Variants in ZFPM2 observed in about 807,000 individuals in gnomAD.
The protein encoded by ZFPM2 is zinc finger protein, FOG family member 2.
ZFPM2 carries 20 observed loss-of-function variants against 98.6 expected under a neutral mutation model. That is an observed-to-expected ratio of 0.20 (90% CI 0.14 to 0.29). The LOEUF (loss-of-function observed/expected upper bound fraction) is 0.29, where lower values mean the gene tolerates loss of function less well. Among genes scored for constraint, ZFPM2 ranks in the 10% least tolerant of loss-of-function variants. The probability of loss-of-function intolerance (pLI) is 1.00; values close to 1 mark genes in which losing one functional copy is unlikely to be tolerated. For missense variants in ZFPM2, 1,310 were observed against 1,388.6 expected (o/e 0.94, Z 0.90); for synonymous variants, 518 against 502.7 (o/e 1.03, Z -0.41).
intron 3 of ZFPM2, among the ~76,000 whole-genome samples, chr8:105,550,440 C>T (rs530706893): frequency 6.6e-6 from 1 of 152,282 alleles, no homozygotes; most frequent in South Asian, 2.1e-4. Context: ...CCTGGTATCA[C>T]TACTAATTTT....
intron 1 of ZFPM2, among the ~76,000 whole-genome samples, chr8:105,342,375 T>A (rs1387061587): frequency 2.6e-5 from 4 of 152,036 alleles, no homozygotes; most frequent in Admixed American, 1.3e-4. Context: ...TTAGCACAGT[T>A]GCTCTAGGAG....
intron 1 of ZFPM2, among the ~76,000 whole-genome samples, chr8:105,389,590 A>G (rs1811069707): frequency 6.6e-6 from 1 of 152,178 alleles, no homozygotes; most frequent in African/African-American, 2.4e-5. Flanking sequence ...ATTGGGAACC[A>G]GAGAGAGAGA....
chr8:105,395,486 C>T (rs1379246096), intron 1 of ZFPM2, among the ~76,000 whole-genome samples: 1 of 152,044 alleles, frequency 6.6e-6, no homozygotes, highest in Non-Finnish European at 1.5e-5. Flanking sequence ...CCTTACACAC[C>T]ACCTGAATCT....
intron 5 of ZFPM2, among the ~76,000 whole-genome samples, chr8:105,671,583 A>C (rs1340351532): frequency 6.6e-6 from 1 of 151,984 alleles, no homozygotes; most frequent in Non-Finnish European, 1.5e-5. Context: ...GCATCTTTCC[A>C]TTTTATGATG....
At chr8:105,490,834 G>T (rs1248761664) in intron 3 of ZFPM2, among the ~76,000 whole-genome samples, 1 of 152,012 alleles carries the variant, frequency 6.6e-6, no homozygotes. Flanking sequence ...TACAGTACTT[G>T]CATGTCTTAA....
chr8:105,380,099 T>C (rs991968002), intron 1 of ZFPM2, among the ~76,000 whole-genome samples: 2 of 152,216 alleles, frequency 1.3e-5, no homozygotes, highest in Non-Finnish European at 2.9e-5. Flanking sequence ...GTTAGCTTTC[T>C]AACAGTGATA....
chr8:105,730,769 CTTTTTTCTTTTT>C (rs1008574476), intron 5 of ZFPM2, among the ~76,000 whole-genome samples: 8 of 118,858 alleles, frequency 6.7e-5, no homozygotes, highest in African/African-American at 2.5e-4. Flanking sequence ...TGAACTTTTT[CTTTTTTCTTTTT>C]TTTTTTTTTT....
chr8:105,618,957 A>G (rs1816474572), intron 4 of ZFPM2, among the ~76,000 whole-genome samples: 1 of 152,192 alleles, frequency 6.6e-6, no homozygotes, highest in African/African-American at 2.4e-5. Context: ...TTTAAGATAT[A>G]CTTCATTTAG....
chr8:105,374,067 A>T (rs115281839), intron 1 of ZFPM2, among the ~76,000 whole-genome samples: 1,859 of 152,262 alleles, frequency 0.012, 26 homozygotes, highest in African/African-American at 0.042. Context: ...TAAGTATGGG[A>T]TGTCAATTCT....
At chr8:105,663,586 GAT>G (rs1394694039) in intron 5 of ZFPM2, among the ~76,000 whole-genome samples, 1 of 152,072 alleles carries the variant, frequency 6.6e-6, no homozygotes, top group Non-Finnish European at 1.5e-5. Context: ...CTATTATGAT[GAT>G]ATTACTTAAC....
At chr8:105,739,261 A>G (rs981696181) in intron 5 of ZFPM2, among the ~76,000 whole-genome samples, 1 of 152,086 alleles carries the variant, frequency 6.6e-6, no homozygotes. Flanking sequence ...AGAATGGTCA[A>G]GTAACAACTT....
At chr8:105,702,859 G>C (rs765294173) in intron 5 of ZFPM2, among the ~76,000 whole-genome samples, 15 of 152,172 alleles carry the variant, frequency 9.9e-5, no homozygotes, top group Non-Finnish European at 1.9e-4. Flanking sequence ...GTTTCTCTCT[G>C]ACATTGTGGA....
At chr8:105,581,521 A>G (rs963643761) in intron 4 of ZFPM2, among the ~76,000 whole-genome samples, 2 of 152,206 alleles carry the variant, frequency 1.3e-5, no homozygotes, top group African/African-American at 4.8e-5. Flanking sequence ...TAGCGAATGC[A>G]TTTAACCTCT....
At chr8:105,603,850 T>C (rs2130787722) in intron 4 of ZFPM2, among the ~76,000 whole-genome samples, 1 of 152,148 alleles carries the variant, frequency 6.6e-6, no homozygotes, top group Admixed American at 6.6e-5. Context: ...CTGTCAGCAC[T>C]TGGCTCCCAT....
rs1814074830 is a variant in ZFPM2 at position 105,802,768 on chromosome 8, C to G, written c.2686C>G (p.Pro896Ala). 1 of 1,613,552 alleles carries G rather than the reference C, an allele frequency of 6.2e-7. No individual in the cohort carries two copies. The highest frequency in any genetic ancestry group is 8.5e-7 in the Non-Finnish European group (1 of 1,179,764). ...DLGQLDGKVF[P>A]NPESERNSPD... ...GGGTCAACTGGACGGCAAAGTGTTT[C>G]CGAATCCAGAAAGCGAACGAAACAG... is the stretch of plus-strand genomic sequence containing the variant. Residue 896 changes from proline (P) to alanine (A), a missense_variant, in exon 8 of 8, where the codon CCG becomes GCG. Physicochemically the swap from Pro to Ala is conservative, Grantham distance 27 (BLOSUM62 -1). Transcript: ENST00000407775.
chr8:105,787,551 C>A (rs1813455322), intron 5 of ZFPM2: 1 of 152,130 alleles, frequency 6.6e-6, no homozygotes. Context: ...CTGTTGTTAT[C>A]TTTTCCACCA....
At chr8:105,624,204 A>T (rs1166856623) in intron 4 of ZFPM2, among the ~76,000 whole-genome samples, 1 of 152,188 alleles carries the variant, frequency 6.6e-6, no homozygotes. Context: ...TGACAGCCTT[A>T]CGTAAGAAGG....
At chr8:105,553,103 A>G (rs1814902006) in intron 3 of ZFPM2, among the ~76,000 whole-genome samples, 1 of 152,014 alleles carries the variant, frequency 6.6e-6, no homozygotes, top group Non-Finnish European at 1.5e-5. Flanking sequence ...GAACCATTGT[A>G]CCCAGCCCAT....
chr8:105,650,212 C>T (rs148221951), intron 5 of ZFPM2, among the ~76,000 whole-genome samples: 2,366 of 152,188 alleles, frequency 0.016, 50 homozygotes, highest in African/African-American at 0.051. Context: ...TCTATGGGAT[C>T]GGTGGTGATA....
Sources: allele counts gnomAD v4.1 joint callset (sites outside exome capture counted in the v4.1 genomes callset), GRCh38; gene constraint gnomAD v4.1.1; transcripts MANE v1.5; gene names NCBI Gene and HGNC (gene_info 2026-07-23, HGNC 2026-07-21).